The following PRELID2 variants were observed in gnomAD, a reference collection of about 807,000 sequenced individuals.
PRELID2 encodes the protein PRELI domain-containing protein 2.
Under a neutral mutation model 28.4 loss-of-function variants are expected in PRELID2, and 25 were observed. That is an observed-to-expected ratio of 0.88 (90% CI 0.64 to 1.23). PRELID2 has a LOEUF of 1.23. Among genes scored for constraint, PRELID2 ranks in the 50% most tolerant of loss-of-function variants. The pLI, the probability that PRELID2 is intolerant of heterozygous loss-of-function variation, is 0.00. For synonymous variants in PRELID2, 76 were observed against 71.6 expected (o/e 1.06, Z -0.31); for missense variants, 201 against 214.4 (o/e 0.94, Z 0.39).
At chr5:145,424,507 C>T in the PRELID2 span, among the ~76,000 whole-genome samples, 2 of 152,182 alleles carry the variant, frequency 1.3e-5, no homozygotes, top group Middle Eastern at 3.2e-3. Context: ...TTCCAGGTGC[C>T]GTCAGTCACC....
chr5:145,355,857 T>C, the PRELID2 span, among the ~76,000 whole-genome samples: 2 of 152,310 alleles, frequency 1.3e-5, no homozygotes, highest in East Asian at 3.9e-4. Flanking sequence ...TGAGCTGGTA[T>C]GTACTTTATG....
At chr5:145,654,558 C>A (rs562079739) in intron 1 of PRELID2, among the ~76,000 whole-genome samples, 1 of 152,154 alleles carries the variant, frequency 6.6e-6, no homozygotes, top group Non-Finnish European at 1.5e-5. Context: ...CCATGATCAA[C>A]TGGGCTTCAG....
chr5:145,263,046 T>C, the PRELID2 span, among the ~76,000 whole-genome samples: 1 of 152,074 alleles, frequency 6.6e-6, no homozygotes, highest in Non-Finnish European at 1.5e-5. Flanking sequence ...GCTATTTTTA[T>C]ATCAGACAAA....
intron 4 of PRELID2, among the ~76,000 whole-genome samples, chr5:145,811,615 C>G (rs973874897): frequency 6.6e-6 from 1 of 152,158 alleles, no homozygotes; most frequent in African/African-American, 2.4e-5. Flanking sequence ...GATGCCTACT[C>G]AGTTACTGTG....
the PRELID2 span, among the ~76,000 whole-genome samples, chr5:145,287,171 T>A: frequency 6.6e-6 from 1 of 152,212 alleles, no homozygotes; most frequent in Non-Finnish European, 1.5e-5. Flanking sequence ...TGCATTCATT[T>A]CTATGCAGCT....
At chr5:145,399,274 G>T in the PRELID2 span, among the ~76,000 whole-genome samples, 1 of 152,070 alleles carries the variant, frequency 6.6e-6, no homozygotes, top group South Asian at 2.1e-4. Context: ...TTACATGGGG[G>T]TTGGAAATCC....
At chr5:145,231,899 ATTC>A in the PRELID2 span, among the ~76,000 whole-genome samples, 1 of 152,002 alleles carries the variant, frequency 6.6e-6, no homozygotes. Context: ...CAAAATGAAT[ATTC>A]TTCTCTGTCC....
At chr5:145,828,856 T>TTTC (rs1291732195) in intron 1 of PRELID2, among the ~76,000 whole-genome samples, 1 of 98,560 alleles carries the variant, frequency 1.0e-5, no homozygotes, top group African/African-American at 3.3e-5. Flanking sequence ...TTTTTTTTTT[T>TTTC]GAGACTGGGT....
the PRELID2 span, among the ~76,000 whole-genome samples, chr5:145,294,890 T>TTCCG: frequency 2.0e-5 from 3 of 152,166 alleles, no homozygotes; most frequent in Non-Finnish European, 4.4e-5. Flanking sequence ...ATGAATGAAT[T>TTCCG]TCTTTTTGAA....
chr5:145,229,905 G>T, the PRELID2 span: 2 of 750,052 alleles, frequency 2.7e-6, no homozygotes, highest in African/African-American at 3.4e-5. Context: ...CCTTGGCTGG[G>T]AGTCCCCACT....
chr5:145,571,957 G>C (rs1241446774), intron 1 of PRELID2, among the ~76,000 whole-genome samples: 2 of 150,666 alleles, frequency 1.3e-5, no homozygotes, highest in African/African-American at 4.9e-5. Context: ...ACTCCAGCCT[G>C]GGCAACAGAG....
At chr5:145,583,420 A>C (rs1753125127) in intron 1 of PRELID2, among the ~76,000 whole-genome samples, 2 of 152,140 alleles carry the variant, frequency 1.3e-5, no homozygotes, top group Admixed American at 6.5e-5. Flanking sequence ...TATTCAACAT[A>C]GTGTTGGAAG....
At chr5:145,731,410 C>T (rs535388783) in intron 1 of PRELID2, among the ~76,000 whole-genome samples, 223 of 152,322 alleles carry the variant, frequency 1.5e-3, no homozygotes, top group African/African-American at 5.2e-3. Context: ...GAGGTATTCA[C>T]CCATCAAAGT....
intron 5 of PRELID2, among the ~76,000 whole-genome samples, chr5:145,781,886 C>G (rs952318771): frequency 6.6e-6 from 1 of 151,528 alleles, no homozygotes; most frequent in Admixed American, 6.6e-5. Context: ...TAGGTTTATA[C>G]GAGGTACATG....
chr5:145,490,228 C>T (rs1752257082), intron 1 of PRELID2, among the ~76,000 whole-genome samples: 1 of 152,128 alleles, frequency 6.6e-6, no homozygotes, highest in African/African-American at 2.4e-5. Flanking sequence ...CTTATCTAGA[C>T]TTTTTAAAAT....
At chr5:145,545,253 T>C (rs1251488676) in intron 1 of PRELID2, among the ~76,000 whole-genome samples, 5 of 152,122 alleles carry the variant, frequency 3.3e-5, no homozygotes, top group Non-Finnish European at 2.9e-5. Flanking sequence ...TAAAGGGTTT[T>C]CTTAAATCAT....
intron 1 of PRELID2, among the ~76,000 whole-genome samples, chr5:145,510,078 T>C (rs190504798): frequency 6.6e-6 from 1 of 152,304 alleles, no homozygotes; most frequent in Admixed American, 6.5e-5. Flanking sequence ...AGTATTATCA[T>C]TCAACTTGCT....
chr5:145,248,207 T>A, the PRELID2 span, among the ~76,000 whole-genome samples: 1 of 152,040 alleles, frequency 6.6e-6, no homozygotes, highest in Non-Finnish European at 1.5e-5. Context: ...CATTCCTTCG[T>A]TCCCCCCCCT....
At chr5:145,345,827 C>T in the PRELID2 span, among the ~76,000 whole-genome samples, 3 of 151,968 alleles carry the variant, frequency 2.0e-5, no homozygotes, top group Non-Finnish European at 2.9e-5. Flanking sequence ...CCCGCACCCC[C>T]GCCCCACCCC....
Sources: allele counts gnomAD v4.1 joint callset (sites outside exome capture counted in the v4.1 genomes callset), GRCh38; gene constraint gnomAD v4.1.1; transcripts MANE v1.5; gene names NCBI Gene and HGNC (gene_info 2026-07-23, HGNC 2026-07-21).